DAB1: variants seen among roughly 807,000 people sequenced by gnomAD.
DAB1 encodes the protein disabled homolog 1.
Under a neutral mutation model 64.6 loss-of-function variants are expected in DAB1, and 15 were observed. That is an observed-to-expected ratio of 0.23 (90% confidence interval 0.16 to 0.36). The LOEUF (loss-of-function observed/expected upper bound fraction) is 0.36, where lower values mean the gene tolerates loss of function less well. Among genes scored for constraint, DAB1 ranks in the 10% least tolerant of loss-of-function variants. The pLI is 1.00. For synonymous variants in DAB1, 235 were observed against 251.9 expected (o/e 0.93, Z 0.64); for missense variants, 596 against 706.7 (o/e 0.84, Z 1.78).
intron 3 of DAB1, among the ~76,000 whole-genome samples, chr1:58,370,376 T>A (rs113820725): frequency 1.0e-3 from 2 of 1,980 alleles, no homozygotes; most frequent in Non-Finnish European, 1.4e-3. Context: ...AGTGTGTGCG[T>A]GTGTGTGTGT....
chr1:57,176,816 CA>C (rs1662364255), intron 2 of DAB1, among the ~76,000 whole-genome samples: 1 of 151,816 alleles, frequency 6.6e-6, no homozygotes, highest in Non-Finnish European at 1.5e-5. Flanking sequence ...AATAAGGTCA[CA>C]GGGGCAGGAT....
intron 5 of DAB1, among the ~76,000 whole-genome samples, chr1:58,044,952 G>A (rs1284698402): frequency 6.6e-6 from 1 of 152,054 alleles, no homozygotes; most frequent in Non-Finnish European, 1.5e-5. Context: ...GTATGCCCAA[G>A]GTCACATAGC....
intron 6 of DAB1, among the ~76,000 whole-genome samples, chr1:57,728,966 T>A (rs1045424313): frequency 4.6e-5 from 7 of 152,244 alleles, no homozygotes; most frequent in Admixed American, 3.9e-4. Context: ...TTGTTGTAAC[T>A]AATTATGCTT....
intron 7 of DAB1, among the ~76,000 whole-genome samples, chr1:57,451,297 G>A (rs1388696637): frequency 1.3e-5 from 2 of 152,134 alleles, no homozygotes; most frequent in African/African-American, 4.8e-5. Context: ...CAGACACATG[G>A]ACAAGGTCAA....
intron 5 of DAB1, among the ~76,000 whole-genome samples, chr1:58,053,816 T>G (rs142465858): frequency 6.6e-6 from 1 of 152,202 alleles, no homozygotes; most frequent in Non-Finnish European, 1.5e-5. Flanking sequence ...CTCTGTGAAA[T>G]TAGTCTGCAA....
chr1:57,824,772 C>T (rs771148639), downstream of DAB1, among the ~76,000 whole-genome samples: 5 of 152,196 alleles, frequency 3.3e-5, no homozygotes, highest in Non-Finnish European at 5.9e-5. Context: ...GAGCACTAGC[C>T]AGCAGAGAGT....
intron 3 of DAB1, among the ~76,000 whole-genome samples, chr1:58,476,695 C>T (rs781409802): frequency 1.3e-5 from 2 of 152,186 alleles, no homozygotes; most frequent in South Asian, 2.1e-4. Context: ...AATTTCATCC[C>T]TCACATGTAT....
At chr1:58,132,525 G>A (rs3850534) in intron 5 of DAB1, among the ~76,000 whole-genome samples, 43,283 of 152,060 alleles carry the variant, frequency 0.28, 6,755 homozygotes, top group East Asian at 0.43. Flanking sequence ...TTAAAAGTAG[G>A]TTGTCTTGCT....
chr1:58,281,680 A>AC lies in DAB1; in HGVS notation n.309+61671dup, dbSNP rs1329494455. Among the ~76,000 whole-genome samples, 6 of 152,234 alleles carry AC rather than the reference A, an allele frequency of 3.9e-5. No homozygotes were observed. In the South Asian group the frequency reaches 1.0e-3, roughly 26 times the overall value. ...CTTTATGAATGGCAAGTCCTCATTT[A>AC]CCTAGACCCTAGACCCAAGCTACTT... On this transcript the variant is annotated intron_variant and non_coding_transcript_variant, in intron 4 of 20. Transcript: ENST00000485760.
chr1:57,282,182 CAAAAAAAAAAAAAAAA>C (rs61512431), intron 2 of DAB1, among the ~76,000 whole-genome samples: 2 of 92,768 alleles, frequency 2.2e-5, no homozygotes, highest in African/African-American at 8.8e-5. Context: ...GCCTTCTTCT[CAAAAAAAAAAAAAAAA>C]AAAAAAAAAA....
chr1:57,106,778 C>T (rs190750415), intron 4 of DAB1, among the ~76,000 whole-genome samples: 2 of 152,228 alleles, frequency 1.3e-5, no homozygotes, highest in Non-Finnish European at 2.9e-5. Context: ...GTATCTTAAA[C>T]TTGATGGAAA....
chr1:57,183,315 A>G (rs556928085), intron 2 of DAB1, among the ~76,000 whole-genome samples: 21 of 152,354 alleles, frequency 1.4e-4, no homozygotes, highest in African/African-American at 4.6e-4. Flanking sequence ...CTGGAGGTAA[A>G]GACAGTTACA....
In DAB1 at chr1:57,992,081, C is replaced by T. The variant is rs990987139; in HGVS notation, n.388-107919G>A. Among the ~76,000 whole-genome samples the T allele has an allele frequency of 4.6e-5, 7 of 151,956 alleles. No individual in the cohort carries two copies. In the South Asian group the frequency reaches 6.2e-4, roughly 14 times the overall value. Reference sequence around the variant, plus strand: ...CACAAAGTGGGAATTCCTTTTTTACCGACTATGAAACTAATACAATAATGT... The same window carrying T: ...CACAAAGTGGGAATTCCTTTTTTACTGACTATGAAACTAATACAATAATGT... On this transcript the variant is annotated intron_variant and non_coding_transcript_variant, in intron 5 of 20. Coordinates refer to the DAB1 transcript ENST00000485760.
At position 57,388,380 on chromosome 1, in the gene DAB1, A is replaced by G. The variant is rs561166563; in HGVS notation, c.-137+35550T>C. Among the ~76,000 whole-genome samples, 4 of 152,240 alleles carry G rather than the reference A, an allele frequency of 2.6e-5. No homozygotes were observed. In the South Asian group the frequency reaches 8.3e-4, roughly 32 times the overall value. Reference sequence around the variant, plus strand: ...AATTATAACAGGCATCTCCTCCCTCAGAGTCCCATGGGCCTCTGGCATTTT... The same window carrying G: ...AATTATAACAGGCATCTCCTCCCTCGGAGTCCCATGGGCCTCTGGCATTTT... On this transcript the variant is annotated intron_variant, in intron 1 of 14. Coordinates refer to ENST00000371236, the MANE Select transcript of DAB1 (RefSeq NM_001365792.1).
intron 3 of DAB1, among the ~76,000 whole-genome samples, chr1:58,394,387 G>A (rs1004737506): frequency 4.6e-5 from 7 of 152,088 alleles, no homozygotes; most frequent in Non-Finnish European, 5.9e-5. Context: ...AAATGAAAGC[G>A]TATAAAAATA....
chr1:57,716,778 T>C (rs1361261143), intron 6 of DAB1, among the ~76,000 whole-genome samples: 1 of 152,024 alleles, frequency 6.6e-6, no homozygotes, highest in Non-Finnish European at 1.5e-5. Flanking sequence ...AAGAAAACAA[T>C]CAGTAAAGTG....
Position 57,265,033 on chromosome 1 carries a change from C to T in DAB1, c.67+25931G>A, listed in dbSNP as rs763721947. Among the ~76,000 whole-genome samples, 12 of 152,244 alleles carry T rather than the reference C, an allele frequency of 7.9e-5. No individual in the cohort carries two copies. In the East Asian group the frequency reaches 1.7e-3, roughly 22 times the overall value. ...TTGAATTTACCTGAATTTCATTTTGCGGCTTAGAAAACAGATCCAGGGAGA... is the reference window on the plus strand; with the variant it reads ...TTGAATTTACCTGAATTTCATTTTGTGGCTTAGAAAACAGATCCAGGGAGA... On this transcript the variant is annotated intron_variant, in intron 2 of 14. Transcript: ENST00000371236.
chr1:57,339,993 T>C (rs1166788730), intron 1 of DAB1, among the ~76,000 whole-genome samples: 1 of 152,186 alleles, frequency 6.6e-6, no homozygotes, highest in Non-Finnish European at 1.5e-5. Context: ...TTTCGATTCA[T>C]TCAAAGGATT....
At chr1:58,493,603 A>G (rs1167841481) in intron 3 of DAB1, among the ~76,000 whole-genome samples, 1 of 151,604 alleles carries the variant, frequency 6.6e-6, no homozygotes, top group Non-Finnish European at 1.5e-5. Context: ...AAAAATCACA[A>G]GCATTCTTAT....
Sources: allele counts gnomAD v4.1 joint callset (sites outside exome capture counted in the v4.1 genomes callset), GRCh38; gene constraint gnomAD v4.1.1; transcripts MANE v1.5; gene names NCBI Gene and HGNC (gene_info 2026-07-23, HGNC 2026-07-21).